Variants in ATP10A observed in about 807,000 individuals in gnomAD.
ATP10A encodes ATPase phospholipid transporting 10A (putative).
A neutral mutation model predicts 147.8 loss-of-function variants in ATP10A; 111 were observed. The observed-to-expected ratio is 0.75, with a 90% CI of 0.64 to 0.88. ATP10A has a LOEUF of 0.88. Among genes scored for constraint, ATP10A ranks in the 40% least tolerant of loss-of-function variants. The pLI is 0.00. For missense variants in ATP10A, 1,927 were observed against 1,959.0 expected (o/e 0.98, Z 0.31); for synonymous variants, 875 against 841.6 (o/e 1.04, Z -0.69).
intron 13 of ATP10A, among the ~76,000 whole-genome samples, chr15:25,698,574 C>T (rs1250974833): frequency 6.6e-6 from 1 of 152,104 alleles, no homozygotes; most frequent in Non-Finnish European, 1.5e-5. Context: ...TTTGGAGAGT[C>T]AAAAGTTATA....
At chr15:25,858,223 G>C (rs1239501013) in intron 1 of ATP10A, among the ~76,000 whole-genome samples, 1 of 152,218 alleles carries the variant, frequency 6.6e-6, no homozygotes. Flanking sequence ...CGTGGTCCCT[G>C]CGCATTCTTA....
intron 1 of ATP10A, among the ~76,000 whole-genome samples, chr15:25,853,646 C>T (rs140752206): frequency 1.3e-5 from 2 of 152,212 alleles, no homozygotes; most frequent in East Asian, 1.9e-4. Context: ...AGACCCCTGA[C>T]CCCTTACTTG....
At chr15:25,766,685 G>A (rs1442778994) in intron 2 of ATP10A, among the ~76,000 whole-genome samples, 1 of 151,854 alleles carries the variant, frequency 6.6e-6, no homozygotes, top group East Asian at 1.9e-4. Flanking sequence ...CTCAAACACT[G>A]CCTCCAGGCC....
At chr15:25,677,115 A>C (rs75476341), downstream of ATP10A, among the ~76,000 whole-genome samples, 1 of 152,238 alleles carries the variant, frequency 6.6e-6, no homozygotes, top group Non-Finnish European at 1.5e-5. Flanking sequence ...ACAATGTCAA[A>C]TGACTAACCC....
At chr15:25,794,990 C>CAACT (rs1346273564) in intron 1 of ATP10A, among the ~76,000 whole-genome samples, 1 of 152,190 alleles carries the variant, frequency 6.6e-6, no homozygotes, top group Non-Finnish European at 1.5e-5. Context: ...GCCCAAAACT[C>CAACT]AACTGGCTCA....
chr15:25,863,278 C>T lies in ATP10A; in HGVS notation c.-182G>A. 4.5e-6 allele frequency: 1 copy of T among 222,548 alleles called. No individual in the cohort carries two copies. The highest frequency in any genetic ancestry group is 7.8e-6 in the Non-Finnish European group (1 of 128,322). 13.8% of individuals were successfully genotyped at this position (222,548 alleles called of 1,614,324 possible). A position where few individuals can be genotyped will look rare whatever the true frequency, so the allele number is the denominator to read the frequency against. ...GCGCCCAGCCCGCGCCCAGCCCCGT[C>T]CACTCCCGTCCAGCCCCGCCGCCCG... On this transcript the variant is annotated 5_prime_UTR_variant, in exon 1 of 21. Transcript: ENST00000555815.
intron 2 of ATP10A, among the ~76,000 whole-genome samples, chr15:25,753,303 T>G (rs578130674): frequency 6.6e-6 from 1 of 152,296 alleles, no homozygotes; most frequent in African/African-American, 2.4e-5. Context: ...CTGAGTATGA[T>G]TGCTTTGCAT....
chr15:25,843,487 C>T (rs1381638775), intron 1 of ATP10A, among the ~76,000 whole-genome samples: 1 of 152,086 alleles, frequency 6.6e-6, no homozygotes, highest in Non-Finnish European at 1.5e-5. Context: ...AACCAGAGCC[C>T]AGACTTGGTG....
At position 25,718,262 on chromosome 15, in the gene ATP10A, A is replaced by T; in HGVS notation, c.1501T>A (p.Ser501Thr). 1 of 1,612,598 alleles carries T rather than the reference A, an allele frequency of 6.2e-7. No individual in the cohort carries two copies. Among genetic ancestry groups the T allele is most frequent in the Non-Finnish European group, 8.5e-7 (1 of 1,179,948 alleles). The change falls in exon 8 of 21, where the codon TCC (serine) becomes ACC (threonine). Residue 501 changes from serine (S) to threonine (T), a missense_variant. Coordinates refer to ENST00000555815, the MANE Select transcript of ATP10A (RefSeq NM_024490.4). ...RVVHRTQSTK[S>T]HRRTGSRAEA... ...GCCCGGCTGCCCGTGCGCCGGTGGG[A>T]CTTGGTGCTCTGGGTTCTGTGCACC... is the stretch of plus-strand genomic sequence containing the variant.
At chr15:25,836,519 A>G (rs1448405296) in intron 1 of ATP10A, among the ~76,000 whole-genome samples, 1 of 152,164 alleles carries the variant, frequency 6.6e-6, no homozygotes, top group Admixed American at 6.5e-5. Flanking sequence ...GCAATCACGC[A>G]CGTCGATTTC....
chr15:25,719,171 T>C (rs1051817311), intron 7 of ATP10A, among the ~76,000 whole-genome samples: 7 of 152,126 alleles, frequency 4.6e-5, no homozygotes, highest in Non-Finnish European at 8.8e-5. Context: ...AACAACCGTT[T>C]AATCAGAACT....
chr15:25,683,550 C>T (rs925100395), intron 16 of ATP10A, 64 bp from the exon 17 acceptor site: 138 of 1,474,216 alleles, frequency 9.4e-5, no homozygotes, highest in African/African-American at 2.7e-4. Context: ...GATTCTCATC[C>T]GAGGGAGCTG....
At chr15:25,707,886 G>A in intron 12 of ATP10A, 90 bp downstream of exon 12, 2 of 1,539,780 alleles carry the variant, frequency 1.3e-6, no homozygotes, top group Non-Finnish European at 1.8e-6. Flanking sequence ...CCAGCCTGCG[G>A]AGCAGCCGCT....
intron 1 of ATP10A, among the ~76,000 whole-genome samples, chr15:25,830,000 G>A (rs1033525658): frequency 6.6e-6 from 1 of 152,166 alleles, no homozygotes; most frequent in Non-Finnish European, 1.5e-5. Flanking sequence ...CCGGGGTGGA[G>A]GCAGGAGGTG....
chr15:25,809,450 C>A (rs1361971740), intron 1 of ATP10A, among the ~76,000 whole-genome samples: 1 of 152,040 alleles, frequency 6.6e-6, no homozygotes, highest in Non-Finnish European at 1.5e-5. Context: ...GAGTATCAAA[C>A]CTTAATTTAA....
At chr15:25,856,769 A>T (rs1431205706) in intron 1 of ATP10A, among the ~76,000 whole-genome samples, 1 of 152,130 alleles carries the variant, frequency 6.6e-6, no homozygotes, top group Non-Finnish European at 1.5e-5. Context: ...AACGACAACA[A>T]CAACAACAAC....
intron 1 of ATP10A, among the ~76,000 whole-genome samples, chr15:25,810,200 C>T (rs1029992573): frequency 1.3e-5 from 2 of 152,150 alleles, no homozygotes; most frequent in Non-Finnish European, 2.9e-5. Flanking sequence ...CATTCTCATG[C>T]TCCTCATTTC....
chr15:25,679,345 T>C lies in ATP10A; in HGVS notation c.4496A>G (p.Gln1499Arg). ...LLIGASSRRS[Q>R] ...AAAAAGGCCATTTCAAGGTTTTCAC[T>C]GTGACCGCCTTGAAGATGCTCCTAT... The change falls in exon 21 of 21, where the codon CAG becomes CGG. Residue 1499 changes from glutamine to arginine, a missense_variant. By Grantham distance (43) the Gln-to-Arg change is conservative. Coordinates refer to ENST00000555815, the MANE Select transcript of ATP10A (RefSeq NM_024490.4). 1 of 1,480,358 alleles carries C rather than the reference T, an allele frequency of 6.8e-7. No homozygotes were observed. The highest frequency in any genetic ancestry group is 1.4e-5 in the African/African-American group (1 of 71,134). 91.7% of individuals were successfully genotyped at this position (1,480,358 alleles called of 1,614,324 possible).
intron 13 of ATP10A, among the ~76,000 whole-genome samples, chr15:25,695,410 C>A (rs1002425362): frequency 5.3e-5 from 8 of 151,892 alleles, no homozygotes; most frequent in Non-Finnish European, 1.2e-4. Flanking sequence ...GGGTGGATCA[C>A]GAGGTCAGGA....
Sources: allele counts gnomAD v4.1 joint callset (sites outside exome capture counted in the v4.1 genomes callset), GRCh38; gene constraint gnomAD v4.1.1; transcripts MANE v1.5; gene names NCBI Gene and HGNC (gene_info 2026-07-23, HGNC 2026-07-21).